Variants in DLG2 observed in about 807,000 individuals in gnomAD.
The protein encoded by DLG2 is disks large homolog 2.
In DLG2, 45 loss-of-function variants were observed where a neutral mutation model predicts 132.5. The observed-to-expected ratio is 0.34, with a 90% confidence interval of 0.27 to 0.44. The LOEUF (loss-of-function observed/expected upper bound fraction) is 0.44. Among genes scored for constraint, DLG2 ranks in the 20% least tolerant of loss-of-function variants. The probability of loss-of-function intolerance (pLI) is 1.00; values close to 1 mark genes in which losing one functional copy is unlikely to be tolerated. For synonymous variants in DLG2, 424 were observed against 419.6 expected, an observed-to-expected ratio of 1.01 and a Z score of -0.13; for missense variants, 1,045 against 1,196.9, an observed-to-expected ratio of 0.87 and a Z score of 1.87.
At chr11:84,265,960 C>G (rs777130764) in intron 7 of DLG2, among the ~76,000 whole-genome samples, 1 of 152,206 alleles carries the variant, frequency 6.6e-6, no homozygotes, top group African/African-American at 2.4e-5. Context: ...TAACTCTGAA[C>G]AGCTGTCTAT....
chr11:83,842,521 C>G (rs148782958), intron 16 of DLG2, among the ~76,000 whole-genome samples: 1 of 58,346 alleles, frequency 1.7e-5, no homozygotes, highest in African/African-American at 6.8e-5. Context: ...TTGAACCTGT[C>G]TCAAAAAAAA....
intron 6 of DLG2, among the ~76,000 whole-genome samples, chr11:84,796,113 G>A (rs1055722465): frequency 8.5e-5 from 13 of 152,134 alleles, no homozygotes; most frequent in Non-Finnish European, 1.8e-4. Flanking sequence ...GTTTCCAGCT[G>A]GAAAAACGAT....
chr11:83,501,898 G>C (rs539944819), intron 21 of DLG2, among the ~76,000 whole-genome samples: 9 of 152,186 alleles, frequency 5.9e-5, no homozygotes, highest in Non-Finnish European at 1.3e-4. Flanking sequence ...TGGACTTAAG[G>C]GTTCTCTAAT....
chr11:85,117,690 C>T (rs2073822779), intron 5 of DLG2, among the ~76,000 whole-genome samples: 1 of 148,860 alleles, frequency 6.7e-6, no homozygotes, highest in Admixed American at 6.7e-5. Context: ...AAGTCTATGA[C>T]ATCCCCTTCC....
chr11:85,621,769 T>G (rs2081718512), intron 2 of DLG2, among the ~76,000 whole-genome samples: 1 of 152,260 alleles, frequency 6.6e-6, no homozygotes, highest in Non-Finnish European at 1.5e-5. Flanking sequence ...TTTCTTCAGA[T>G]GAAATCTACT....
intron 3 of DLG2, among the ~76,000 whole-genome samples, chr11:85,497,207 G>C (rs1436937376): frequency 6.6e-6 from 1 of 151,972 alleles, no homozygotes; most frequent in Admixed American, 6.6e-5. Flanking sequence ...TGGCTAACTA[G>C]AATAGCCAGT....
intron 22 of DLG2, among the ~76,000 whole-genome samples, chr11:83,481,561 A>G (rs2093113677): frequency 6.6e-6 from 1 of 152,180 alleles, no homozygotes; most frequent in South Asian, 2.1e-4. Flanking sequence ...GTTTTAAAGC[A>G]TGAAACTAAT....
chr11:84,883,747 T>C (rs1046516514), intron 6 of DLG2, among the ~76,000 whole-genome samples: 15 of 152,108 alleles, frequency 9.9e-5, no homozygotes, highest in African/African-American at 3.4e-4. Flanking sequence ...AAATGAGTTT[T>C]TATCAGTGAG....
At chr11:84,247,921 G>A (rs1368504961) in intron 8 of DLG2, among the ~76,000 whole-genome samples, 1 of 152,140 alleles carries the variant, frequency 6.6e-6, no homozygotes, top group African/African-American at 2.4e-5. Flanking sequence ...ATATGTTAAA[G>A]CTTGGCATTC....
intron 3 of DLG2, among the ~76,000 whole-genome samples, chr11:85,542,764 C>T (rs1179214928): frequency 6.6e-6 from 1 of 152,178 alleles, no homozygotes; most frequent in Non-Finnish European, 1.5e-5. Context: ...TAAATACTTG[C>T]AACACTGAAT....
chr11:83,873,395 C>T (rs1210846229), intron 16 of DLG2, among the ~76,000 whole-genome samples: 1 of 152,138 alleles, frequency 6.6e-6, no homozygotes, highest in South Asian at 2.1e-4. Flanking sequence ...ATAACTGAAT[C>T]ATGGGGCAGC....
chr11:85,210,174 T>C (rs2152566600), intron 4 of DLG2, among the ~76,000 whole-genome samples: 1 of 152,296 alleles, frequency 6.6e-6, no homozygotes, highest in African/African-American at 2.4e-5. Context: ...ACATATTTTT[T>C]TGGGTCAGTT....
At chr11:84,212,069 C>T (rs2096763291) in intron 8 of DLG2, among the ~76,000 whole-genome samples, 3 of 152,112 alleles carry the variant, frequency 2.0e-5, no homozygotes, top group African/African-American at 4.8e-5. Flanking sequence ...GCATGCATGC[C>T]GTTCTGTGTT....
intron 16 of DLG2, among the ~76,000 whole-genome samples, chr11:83,857,361 T>C (rs192992415): frequency 6.6e-6 from 1 of 152,330 alleles, no homozygotes; most frequent in Non-Finnish European, 1.5e-5. Flanking sequence ...AAGAATCTCA[T>C]GGTAGTTTAA....
intron 19 of DLG2, among the ~76,000 whole-genome samples, chr11:83,610,939 A>G (rs978389198): frequency 5.3e-5 from 8 of 152,198 alleles, no homozygotes; most frequent in African/African-American, 1.9e-4. Flanking sequence ...AATCTTTTAA[A>G]TGCATCATTT....
In DLG2 at chr11:84,174,014, CTTTTTTTTT is replaced by C. The variant is rs11338428; in HGVS notation, c.574-10512_574-10504del. Among the ~76,000 whole-genome samples the C allele has an allele frequency of 9.8e-5, 6 of 61,220 alleles. 1 individual carries two copies. Among genetic ancestry groups the C allele is most frequent in the Non-Finnish European group, 1.4e-4 (5 of 35,034 alleles). 40.2% of individuals were successfully genotyped at this position (61,220 alleles called of 152,430 possible). ...CTGAGTTTTGACTTCACCCCCCGGC[CTTTTTTTTT>C]TTTTTTTTTTTTTCTGAGTAAACAC... is the stretch of plus-strand genomic sequence containing the variant. On this transcript the variant is annotated intron_variant, in intron 8 of 27. Coordinates refer to ENST00000376104, the MANE Select transcript of DLG2 (RefSeq NM_001142699.3).
At chr11:85,104,281 T>A (rs906831402) in intron 6 of DLG2, among the ~76,000 whole-genome samples, 3 of 151,944 alleles carry the variant, frequency 2.0e-5, no homozygotes, top group African/African-American at 4.8e-5. Context: ...GTAGCATTAT[T>A]CATAACATCA....
At chr11:83,718,532 GAAAAAAAAAA>G (rs57237354) in intron 18 of DLG2, among the ~76,000 whole-genome samples, 1 of 106,284 alleles carries the variant, frequency 9.4e-6, no homozygotes, top group African/African-American at 3.6e-5. Context: ...CTCAAAAAAA[GAAAAAAAAAA>G]AAAAAAAAAG....
intron 6 of DLG2, among the ~76,000 whole-genome samples, chr11:85,073,169 T>C (rs185233991): frequency 2.6e-5 from 4 of 151,980 alleles, no homozygotes; most frequent in Non-Finnish European, 4.4e-5. Context: ...AAAACTGATA[T>C]ATTCATACAG....
Sources: allele counts gnomAD v4.1 joint callset (sites outside exome capture counted in the v4.1 genomes callset), GRCh38; gene constraint gnomAD v4.1.1; transcripts MANE v1.5; gene names NCBI Gene and HGNC (gene_info 2026-07-23, HGNC 2026-07-21).